GALNTL6: variants seen among roughly 807,000 people sequenced by gnomAD.
The protein encoded by GALNTL6 is polypeptide N-acetylgalactosaminyltransferase like 6, also known as polypeptide N-acetylgalactosaminyltransferase-like 6.
In GALNTL6, 46 loss-of-function variants were observed where a neutral mutation model predicts 73.7. That is an observed-to-expected ratio of 0.62 (90% CI 0.49 to 0.80). The LOEUF (loss-of-function observed/expected upper bound fraction) is 0.80, where lower values mean the gene tolerates loss of function less well. GALNTL6 is among the 30% of genes least tolerant of loss of function. GALNTL6 has a pLI of 0.00. For synonymous variants in GALNTL6, 259 were observed against 263.7 expected (o/e 0.98, Z 0.17); for missense variants, 604 against 755.0 (o/e 0.80, Z 2.34).
At chr4:172,061,440 T>C (rs1731197457) in intron 2 of GALNTL6, among the ~76,000 whole-genome samples, 1 of 152,156 alleles carries the variant, frequency 6.6e-6, no homozygotes, top group Non-Finnish European at 1.5e-5. Flanking sequence ...ATTCAAATGT[T>C]GCAAAATCCC....
chr4:172,188,289 C>T (rs899031167), intron 2 of GALNTL6, among the ~76,000 whole-genome samples: 7 of 152,102 alleles, frequency 4.6e-5, no homozygotes, highest in African/African-American at 1.7e-4. Flanking sequence ...TAATGTTGTC[C>T]AAAATGAAAT....
rs529971259 is a variant in GALNTL6, at chr4:172,482,726, A to T, written c.553+134037A>T. Among the ~76,000 whole-genome samples, 4 of 152,324 alleles carry T rather than the reference A, an allele frequency of 2.6e-5. No homozygotes were observed. The South Asian group carries it at 8.3e-4, about 32-fold the overall frequency. On this transcript the variant is annotated intron_variant, in intron 5 of 12. Coordinates refer to ENST00000506823, the MANE Select transcript of GALNTL6 (RefSeq NM_001034845.3). ...GAGATAGTTTGACACTTTGTTAGGA[A>T]ATACTTCTTTATTTGGCAATGCCTT... is the stretch of plus-strand genomic sequence containing the variant.
intron 2 of GALNTL6, among the ~76,000 whole-genome samples, chr4:172,105,901 A>G (rs1033170006): frequency 6.6e-6 from 1 of 152,178 alleles, no homozygotes; most frequent in African/African-American, 2.4e-5. Flanking sequence ...AAACTTGAAT[A>G]TAAATCATAA....
chr4:171,990,034 G>A (rs754356114), intron 2 of GALNTL6, among the ~76,000 whole-genome samples: 1 of 152,174 alleles, frequency 6.6e-6, no homozygotes, highest in Non-Finnish European at 1.5e-5. Flanking sequence ...GGTGTGAGGA[G>A]GGGAGGTGAT....
chr4:172,380,421 G>A, intron 5 of GALNTL6: 1 of 567,278 alleles, frequency 1.8e-6, no homozygotes, highest in South Asian at 1.6e-5. Context: ...TCTGCTTTGA[G>A]GCCAGGAACT....
chr4:172,608,202 T>C (rs1163569192), intron 5 of GALNTL6, among the ~76,000 whole-genome samples: 1 of 152,138 alleles, frequency 6.6e-6, no homozygotes, highest in East Asian at 1.9e-4. Context: ...TGAACTCTTT[T>C]CCAAGGCTTA....
rs1734468059 is a variant in GALNTL6 at position 171,814,523 on chromosome 4, C to T, written c.-58C>T. The T allele has an allele frequency of 2.5e-6, 4 of 1,585,682 alleles. No homozygotes were observed. The highest frequency in any genetic ancestry group is 1.1e-5 in the South Asian group (1 of 90,066). ...GAGAGGAAAGGAATTTGACATTAAA[C>T]ACAAGAAGCAGTCAGGGAGCCATCT... On this transcript the variant is annotated 5_prime_UTR_variant, in exon 2 of 13. Transcript: ENST00000506823.
At chr4:172,545,989 C>T (rs1368760720) in intron 5 of GALNTL6, among the ~76,000 whole-genome samples, 1 of 152,040 alleles carries the variant, frequency 6.6e-6, no homozygotes, top group African/African-American at 2.4e-5. Context: ...TTATTAAGTG[C>T]CTACAATGTG....
chr4:171,989,055 T>A (rs190325676), intron 2 of GALNTL6, among the ~76,000 whole-genome samples: 3 of 151,532 alleles, frequency 2.0e-5, no homozygotes, highest in Non-Finnish European at 4.4e-5. Context: ...CTTAAAAGAG[T>A]ATTGTCTAAG....
At chr4:172,677,768 T>TA (rs904537450) in intron 5 of GALNTL6, among the ~76,000 whole-genome samples, 133 of 143,322 alleles carry the variant, frequency 9.3e-4, no homozygotes, top group Admixed American at 2.6e-3. Context: ...TACAAAAAAT[T>TA]AAAAAAAAAA....
Position 172,330,700 on chromosome 4 carries a change from G to T in GALNTL6, c.387-17823G>T, listed in dbSNP as rs111964083. On this transcript the variant is annotated intron_variant, in intron 4 of 12. Coordinates refer to ENST00000506823, the MANE Select transcript of GALNTL6 (RefSeq NM_001034845.3). The stretch of plus-strand genomic sequence containing the variant: ...GTTTTTTTGTGTTAAGCTTCACTGA[G>T]CTTTTGAAGCTCAGCGTTTACCAAT... 4.4e-3 allele frequency among the ~76,000 whole-genome samples: 664 copies of T among 152,214 alleles called. 7 individuals carry two copies. Among genetic ancestry groups the T allele is most frequent in the African/African-American group, 0.011 (460 of 41,538 alleles).
chr4:171,903,523 C>T (rs1737174186), intron 2 of GALNTL6, among the ~76,000 whole-genome samples: 2 of 151,210 alleles, frequency 1.3e-5, no homozygotes, highest in African/African-American at 4.9e-5. Context: ...ATTGCTAGCA[C>T]AGCAGTCTGA....
intron 2 of GALNTL6, among the ~76,000 whole-genome samples, chr4:171,956,359 T>C (rs1252747428): frequency 6.6e-6 from 1 of 152,144 alleles, no homozygotes; most frequent in Non-Finnish European, 1.5e-5. Context: ...TCCCTAGACA[T>C]ATATCTTTGT....
chr4:172,290,897 A>T (rs1450479100), intron 3 of GALNTL6, among the ~76,000 whole-genome samples: 21 of 151,882 alleles, frequency 1.4e-4, no homozygotes, highest in Admixed American at 1.4e-3. Flanking sequence ...AAAAATAAAG[A>T]CCTAAAACAC....
rs374118464 is a variant in GALNTL6 at position 172,663,238 on chromosome 4, A to G, written c.554-146123A>G. 2.6e-5 allele frequency among the ~76,000 whole-genome samples: 4 copies of G among 152,332 alleles called. No homozygotes were observed. The East Asian group carries it at 7.7e-4, about 29-fold the overall frequency. On this transcript the variant is annotated intron_variant, in intron 5 of 12. Transcript: ENST00000506823. ...CTATAATAGTATCACTCTGGGTACT[A>G]TATTCAGCATAAGCTTGTAACAAGA... is the stretch of plus-strand genomic sequence containing the variant.
At chr4:171,834,822 A>G (rs916163861) in intron 2 of GALNTL6, among the ~76,000 whole-genome samples, 6 of 152,024 alleles carry the variant, frequency 3.9e-5, no homozygotes, top group Non-Finnish European at 8.8e-5. Context: ...ACTAGTGGCT[A>G]CAGAGAAAAC....
chr4:171,985,116 G>A (rs1191743514), intron 2 of GALNTL6, among the ~76,000 whole-genome samples: 1 of 151,766 alleles, frequency 6.6e-6, no homozygotes, highest in Non-Finnish European at 1.5e-5. Context: ...TGTGGTAACT[G>A]GCTTGATAAA....
chr4:172,149,035 C>T (rs1733997255), intron 2 of GALNTL6, among the ~76,000 whole-genome samples: 1 of 152,174 alleles, frequency 6.6e-6, no homozygotes, highest in African/African-American at 2.4e-5. Context: ...GTTTACCCTT[C>T]ACCCCAGCTC....
intron 5 of GALNTL6, among the ~76,000 whole-genome samples, chr4:172,432,397 T>A (rs1308183767): frequency 1.3e-5 from 2 of 151,848 alleles, no homozygotes; most frequent in African/African-American, 4.8e-5. Flanking sequence ...GTTTTGCAAC[T>A]GAAACATGAG....
Sources: allele counts gnomAD v4.1 joint callset (sites outside exome capture counted in the v4.1 genomes callset), GRCh38; gene constraint gnomAD v4.1.1; transcripts MANE v1.5; gene names NCBI Gene and HGNC (gene_info 2026-07-23, HGNC 2026-07-21).